Variants in STMN2 observed in about 807,000 individuals in gnomAD.
STMN2 encodes the protein stathmin-2.
A neutral mutation model predicts 24.1 loss-of-function variants in STMN2; 2 were observed. The ratio of observed to expected loss-of-function variants is 0.08; its 90% CI spans 0.03 to 0.26. The LOEUF (loss-of-function observed/expected upper bound fraction) is 0.26, where lower values mean the gene tolerates loss of function less well. Among genes scored for constraint, STMN2 ranks in the 10% least tolerant of loss-of-function variants. The pLI is 1.00. For missense variants in STMN2, 114 were observed against 213.6 expected, an observed-to-expected ratio of 0.53 and a Z score of 2.91; for synonymous variants, 83 against 77.5, an observed-to-expected ratio of 1.07 and a Z score of -0.37.
intron 1 of STMN2, among the ~76,000 whole-genome samples, chr8:79,635,474 T>G (rs1327042594): frequency 6.6e-6 from 1 of 152,236 alleles, no homozygotes; most frequent in African/African-American, 2.4e-5. Context: ...ATGGCAGCAC[T>G]ATTCACAATA....
chr8:79,636,452 T>C (rs1809958379), intron 1 of STMN2, among the ~76,000 whole-genome samples: 1 of 152,168 alleles, frequency 6.6e-6, no homozygotes, highest in Non-Finnish European at 1.5e-5. Context: ...AATGAGCCTC[T>C]CTCTCTGGTA....
At chr8:79,663,143 CTG>C (rs1465091974) in intron 4 of STMN2, among the ~76,000 whole-genome samples, 2 of 152,116 alleles carry the variant, frequency 1.3e-5, no homozygotes, top group Non-Finnish European at 2.9e-5. Context: ...TACTCCAACT[CTG>C]TATCTTTGAA....
chr8:79,611,292 T>G, intron 1 of STMN2, 78 bp downstream of exon 1: 2 of 1,572,360 alleles, frequency 1.3e-6, no homozygotes, highest in South Asian at 2.2e-5. Context: ...TCTAGAAGCA[T>G]TCAGAGATAT....
rs1374718580 is a variant in STMN2 at position 79,654,925 on chromosome 8, G to A, written c.343G>A (p.Glu115Lys). 6 of 1,613,754 alleles carry A rather than the reference G, an allele frequency of 3.7e-6. No individual in the cohort carries two copies. The highest frequency in any genetic ancestry group is 5.1e-6 in the Non-Finnish European group (6 of 1,179,868). The change falls in exon 4 of 5, where the codon GAA becomes AAA. Residue 115 changes from glutamate to lysine, a missense_variant. Transcript: ENST00000220876. ...QLAEKREHER[E>K]VLQKALEENN... Reference sequence around the variant, plus strand: ...GGCAGAGAAGAGGGAACACGAGCGAGAAGTCCTTCAGAAGGCTTTGGAGGA... The same window carrying A: ...GGCAGAGAAGAGGGAACACGAGCGAAAAGTCCTTCAGAAGGCTTTGGAGGA...
intron 4 of STMN2, among the ~76,000 whole-genome samples, chr8:79,659,411 G>C (rs866619049): frequency 2.0e-5 from 3 of 152,176 alleles, no homozygotes; most frequent in Admixed American, 6.6e-5. Context: ...AAAGGAAAGA[G>C]AGGGGGAAAC....
chr8:79,619,619 A>G (rs1809464478), intron 1 of STMN2, among the ~76,000 whole-genome samples: 1 of 152,180 alleles, frequency 6.6e-6, no homozygotes, highest in Admixed American at 6.5e-5. Context: ...AGGCACTTTT[A>G]GGATAGACTT....
chr8:79,639,046 T>C (rs1447967480), intron 2 of STMN2, among the ~76,000 whole-genome samples: 2 of 152,204 alleles, frequency 1.3e-5, no homozygotes, highest in African/African-American at 4.8e-5. Flanking sequence ...TGAGTTAGTA[T>C]TATCTAGACT....
intron 4 of STMN2, among the ~76,000 whole-genome samples, chr8:79,664,092 G>A (rs959993915): frequency 3.9e-5 from 6 of 152,142 alleles, no homozygotes; most frequent in African/African-American, 7.2e-5. Context: ...AATGACTGCC[G>A]AATAAAAGGA....
rs779450035 is a variant in STMN2 at position 79,644,457 on chromosome 8, A to G, written c.288+2907A>G. ...ACAAAAGTCCCGAAATTGAGTCTCA[A>G]TGGCCTGGCCTGGATCACAGGCCCA... On this transcript the variant is annotated intron_variant, in intron 3 of 4. Coordinates refer to ENST00000220876, the MANE Select transcript of STMN2 (RefSeq NM_007029.4). 3.9e-5 allele frequency among the ~76,000 whole-genome samples: 6 copies of G among 152,208 alleles called. 1 individual carries two copies. The highest frequency in any genetic ancestry group is 4.1e-4 in the South Asian group (2 of 4,832).
At chr8:79,638,631 G>T (rs1022827872) in intron 2 of STMN2, among the ~76,000 whole-genome samples, 3 of 152,086 alleles carry the variant, frequency 2.0e-5, no homozygotes, top group African/African-American at 7.2e-5. Context: ...TAAGTATATG[G>T]CTTGTGCTTT....
rs1391518612 is a variant in STMN2, at chr8:79,665,247, C to T, written c.*373C>T. The T allele has an allele frequency of 6.0e-6, 1 of 166,680 alleles. No individual in the cohort carries two copies. The highest frequency in any genetic ancestry group is 1.3e-5 in the Non-Finnish European group (1 of 77,750). The allele number at this position is 166,680 out of a possible 1,614,324, so 10.3% of individuals were successfully genotyped here. ...TTTTGAAGCTCCCCATGTCTAACTC[C>T]ATTCCAAAAGAAAAATGAGGTCAGT... On this transcript the variant is annotated 3_prime_UTR_variant, in exon 5 of 5. Coordinates refer to ENST00000220876, the MANE Select transcript of STMN2 (RefSeq NM_007029.4).
intron 1 of STMN2, among the ~76,000 whole-genome samples, chr8:79,611,547 A>G (rs1809219946): frequency 1.3e-5 from 2 of 150,958 alleles, no homozygotes; most frequent in South Asian, 4.2e-4. Context: ...GGCTTAAGGG[A>G]CATTTTGGAA....
At chr8:79,628,198 A>G (rs1449115683) in intron 1 of STMN2, among the ~76,000 whole-genome samples, 2 of 151,290 alleles carry the variant, frequency 1.3e-5, no homozygotes, top group African/African-American at 2.4e-5. Context: ...GAGCCTTGCT[A>G]TGTCGCCCAG....
chr8:79,620,947 T>A, intron 1 of STMN2: 1 of 984,930 alleles, frequency 1.0e-6, no homozygotes. Flanking sequence ...ACACTTGGAG[T>A]AGACCTAAAA....
intron 1 of STMN2, among the ~76,000 whole-genome samples, chr8:79,630,332 A>G (rs929647781): frequency 6.6e-6 from 1 of 152,182 alleles, no homozygotes; most frequent in African/African-American, 2.4e-5. Flanking sequence ...TTCTGCTTTC[A>G]CTGAGAGCAT....
intron 1 of STMN2, among the ~76,000 whole-genome samples, chr8:79,633,043 G>A (rs1809851569): frequency 6.6e-6 from 1 of 151,972 alleles, no homozygotes; most frequent in African/African-American, 2.4e-5. Context: ...CCCTTAGCCG[G>A]GTACATAATC....
rs1806581077 is a variant in STMN2 at position 79,665,543 on chromosome 8, G to A, written c.*669G>A. The A allele has an allele frequency of 6.5e-6, 1 of 154,416 alleles. No individual in the cohort carries two copies. The highest frequency in any genetic ancestry group is 2.4e-5 in the African/African-American group (1 of 41,544). 9.6% of individuals were successfully genotyped at this position (154,416 alleles called of 1,614,324 possible). On this transcript the variant is annotated 3_prime_UTR_variant, in exon 5 of 5. Coordinates refer to ENST00000220876, the MANE Select transcript of STMN2 (RefSeq NM_007029.4). ...AAGGGATGGATGAGAAGACAGACCT[G>A]AGACCAATCTGGGTAGAAGCAAAAA... is the stretch of plus-strand genomic sequence containing the variant.
At chr8:79,626,323 G>T (rs896738707) in intron 1 of STMN2, among the ~76,000 whole-genome samples, 1 of 152,174 alleles carries the variant, frequency 6.6e-6, no homozygotes, top group Non-Finnish European at 1.5e-5. Context: ...ACATAGAGAA[G>T]GTTGATTATC....
chr8:79,655,344 A>G (rs1585909359), intron 4 of STMN2, among the ~76,000 whole-genome samples: 1 of 152,188 alleles, frequency 6.6e-6, no homozygotes, highest in East Asian at 1.9e-4. Flanking sequence ...TAAGACTTCT[A>G]TACAAGCCTC....
Sources: allele counts gnomAD v4.1 joint callset (sites outside exome capture counted in the v4.1 genomes callset), GRCh38; gene constraint gnomAD v4.1.1; transcripts MANE v1.5; gene names NCBI Gene and HGNC (gene_info 2026-07-23, HGNC 2026-07-21).